Variants in COX10 observed in about 807,000 individuals in gnomAD.
COX10 encodes cytochrome c oxidase assembly factor heme A:farnesyltransferase COX10.
A neutral mutation model predicts 37.3 loss-of-function variants in COX10; 27 were observed. The ratio of observed to expected loss-of-function variants is 0.72; its 90% CI spans 0.53 to 1.00. COX10 has a LOEUF of 1.00. COX10 is among the 50% of genes least tolerant of loss of function. COX10 has a pLI of 0.00. For synonymous variants in COX10, 222 were observed against 229.1 expected, an observed-to-expected ratio of 0.97 and a Z score of 0.28; for missense variants, 475 against 563.2, an observed-to-expected ratio of 0.84 and a Z score of 1.59.
At chr17:14,073,230 T>C (rs974695526) in intron 1 of COX10, among the ~76,000 whole-genome samples, 2 of 152,176 alleles carry the variant, frequency 1.3e-5, no homozygotes, top group Middle Eastern at 3.2e-3. Context: ...GTTACCATAG[T>C]CCAAATGTAA....
intron 5 of COX10, among the ~76,000 whole-genome samples, chr17:14,171,480 A>G (rs1420597440): frequency 6.6e-6 from 1 of 151,432 alleles, no homozygotes; most frequent in African/African-American, 2.4e-5. Flanking sequence ...TATGTGTGTA[A>G]TGTGCTAAAT....
intron 2 of COX10, 140 bp from the exon 3 acceptor site, chr17:14,076,595 A>C (rs1442136537): frequency 2.5e-6 from 2 of 793,322 alleles, no homozygotes; most frequent in Admixed American, 2.1e-5. Context: ...CTATAAATAC[A>C]TGCCGAATTA....
At chr17:14,077,189 A>G in intron 3 of COX10, 133 bp downstream of exon 3, 4 of 779,148 alleles carry the variant, frequency 5.1e-6, no homozygotes, top group South Asian at 3.6e-5. Context: ...CCTCTCTTCA[A>G]TTTAACTGGG....
intron 5 of COX10, among the ~76,000 whole-genome samples, chr17:14,187,558 C>T (rs1053334487): frequency 1.3e-5 from 2 of 152,116 alleles, no homozygotes; most frequent in Admixed American, 1.3e-4. Flanking sequence ...AAGATATCAA[C>T]TAGTATGTTT....
intron 6 of COX10, among the ~76,000 whole-genome samples, chr17:14,204,061 C>T (rs1009495550): frequency 6.6e-6 from 1 of 152,120 alleles, no homozygotes; most frequent in African/African-American, 2.4e-5. Context: ...TTGGGGATAA[C>T]TTAATTGGCT....
At chr17:14,091,725 C>T (rs1297337417) in intron 3 of COX10, among the ~76,000 whole-genome samples, 1 of 152,116 alleles carries the variant, frequency 6.6e-6, no homozygotes, top group Non-Finnish European at 1.5e-5. Flanking sequence ...GCAAAATAAG[C>T]ACAGGTAGCT....
chr17:14,081,059 C>A (rs1218226096), intron 3 of COX10, among the ~76,000 whole-genome samples: 2 of 152,166 alleles, frequency 1.3e-5, no homozygotes, highest in African/African-American at 4.8e-5. Flanking sequence ...CAAGGATCAC[C>A]TGTTTTTGTA....
At chr17:14,156,419 C>G (rs1321526995) in intron 4 of COX10, among the ~76,000 whole-genome samples, 1 of 151,970 alleles carries the variant, frequency 6.6e-6, no homozygotes, top group East Asian at 1.9e-4. Context: ...TTAGTAGAGA[C>G]GGGGTTTCAT....
intron 5 of COX10, among the ~76,000 whole-genome samples, chr17:14,167,811 C>T (rs572480102): frequency 6.6e-6 from 1 of 152,296 alleles, no homozygotes; most frequent in South Asian, 2.1e-4. Flanking sequence ...CCAGCAGGTC[C>T]CTCCCTCGAC....
intron 2 of COX10, among the ~76,000 whole-genome samples, chr17:14,075,248 A>G (rs1915114487): frequency 6.6e-6 from 1 of 152,244 alleles, no homozygotes; most frequent in African/African-American, 2.4e-5. Context: ...GGGGTCAAGG[A>G]TAATGGTGGA....
chr17:14,112,057 T>G (rs1916014653), intron 4 of COX10, among the ~76,000 whole-genome samples: 1 of 152,062 alleles, frequency 6.6e-6, no homozygotes, highest in Non-Finnish European at 1.5e-5. Context: ...GGCTGAAGAG[T>G]GTATTTGAGT....
intron 3 of COX10, among the ~76,000 whole-genome samples, chr17:14,089,063 C>T (rs901394085): frequency 1.6e-4 from 24 of 152,266 alleles, no homozygotes; most frequent in African/African-American, 5.8e-4. Flanking sequence ...ATAATTCTTA[C>T]ATCTATCATT....
intron 1 of COX10, among the ~76,000 whole-genome samples, chr17:14,071,756 C>G (rs1915029131): frequency 7.0e-6 from 1 of 142,744 alleles, no homozygotes; most frequent in South Asian, 2.3e-4. Flanking sequence ...AAAAATTAGC[C>G]AAGCGCAATG....
intron 4 of COX10, among the ~76,000 whole-genome samples, chr17:14,117,552 C>T (rs1916139252): frequency 6.6e-6 from 1 of 152,184 alleles, no homozygotes; most frequent in African/African-American, 2.4e-5. Context: ...ATCCCCCTTT[C>T]AGGGCGTGTG....
At chr17:14,187,315 A>G (rs769144178) in intron 5 of COX10, among the ~76,000 whole-genome samples, 23 of 152,316 alleles carry the variant, frequency 1.5e-4, no homozygotes, top group Non-Finnish European at 2.5e-4. Flanking sequence ...TTTGATTTTT[A>G]AAAATGGAAA....
chr17:14,132,776 A>G (rs373773877), intron 4 of COX10, among the ~76,000 whole-genome samples: 7 of 151,604 alleles, frequency 4.6e-5, no homozygotes, highest in Admixed American at 2.0e-4. Flanking sequence ...TACTTTTCCT[A>G]TGTTTATTCT....
chr17:14,187,640 A>T (rs762572294), intron 5 of COX10, among the ~76,000 whole-genome samples: 1 of 152,204 alleles, frequency 6.6e-6, no homozygotes, highest in Non-Finnish European at 1.5e-5. Flanking sequence ...TTGGATGTAT[A>T]TTACTTTTGT....
At chr17:14,164,471 C>T (rs552693763) in intron 5 of COX10, among the ~76,000 whole-genome samples, 1 of 152,244 alleles carries the variant, frequency 6.6e-6, no homozygotes, top group South Asian at 2.1e-4. Flanking sequence ...GTATGTTTCT[C>T]AAATTCCCTT....
chr17:14,158,694 G>A (rs1053802815), intron 4 of COX10, among the ~76,000 whole-genome samples: 2 of 152,060 alleles, frequency 1.3e-5, no homozygotes, highest in Admixed American at 6.5e-5. Context: ...CCTAAAGTAA[G>A]GTTAATTTGG....
Sources: allele counts gnomAD v4.1 joint callset (sites outside exome capture counted in the v4.1 genomes callset), GRCh38; gene constraint gnomAD v4.1.1; transcripts MANE v1.5; gene names NCBI Gene and HGNC (gene_info 2026-07-23, HGNC 2026-07-21).